TTC21A: variants seen among roughly 807,000 people sequenced by gnomAD.
TTC21A encodes tetratricopeptide repeat protein 21A.
Under a neutral mutation model 156.4 loss-of-function variants are expected in TTC21A, and 128 were observed. The observed-to-expected ratio is 0.82, with a 90% CI of 0.71 to 0.95. TTC21A has a LOEUF of 0.95. Among genes scored for constraint, TTC21A ranks in the 40% least tolerant of loss-of-function variants. The probability of loss-of-function intolerance (pLI) is 0.00; values close to 1 mark genes in which losing one functional copy is unlikely to be tolerated. For missense variants in TTC21A, 1,435 were observed against 1,602.3 expected, an observed-to-expected ratio of 0.90 and a Z score of 1.78; for synonymous variants, 587 against 617.1, an observed-to-expected ratio of 0.95 and a Z score of 0.72.
At chr3:39,132,487 A>G (rs776918582) in intron 19 of TTC21A, among the ~76,000 whole-genome samples, 2 of 152,190 alleles carry the variant, frequency 1.3e-5, no homozygotes, top group African/African-American at 4.8e-5. Flanking sequence ...TGACTGTTTG[A>G]GATGATTTAT....
At position 39,107,684 on chromosome 3, in the gene TTC21A, A is replaced by C; in HGVS notation, c.-154A>C. On this transcript the variant is annotated 5_prime_UTR_variant, in exon 1 of 29. Coordinates refer to ENST00000683103, the MANE Select transcript of TTC21A (RefSeq NM_001366900.1). ...GCGTTTTGTTCCTCCCACTCCAGAC[A>C]CTGGACGCTCCTAGCAACCGGCTAG... The C allele has an allele frequency of 7.7e-7, 1 of 1,304,466 alleles. No homozygotes were observed. Among genetic ancestry groups the C allele is most frequent in the Non-Finnish European group, 1.1e-6 (1 of 927,510 alleles). 80.8% of individuals were successfully genotyped at this position (1,304,466 alleles called of 1,614,324 possible).
chr3:39,134,105 T>A lies in TTC21A; in HGVS notation c.2752-113T>A. On this transcript the variant is annotated intron_variant, in intron 20 of 28. Transcript: ENST00000683103. The surrounding 1 kb of genome is among the most constrained non-coding windows in gnomAD (Gnocchi z 4.6). ...TTCACGTGGGGAATTCGAGACATATTTTGAAGGCAGAGCTGATAGAAGTGG... is the reference window on the plus strand; with the variant it reads ...TTCACGTGGGGAATTCGAGACATATATTGAAGGCAGAGCTGATAGAAGTGG... 1 of 736,866 alleles carries A rather than the reference T, an allele frequency of 1.4e-6. No homozygotes were observed. Among genetic ancestry groups the A allele is most frequent in the Non-Finnish European group, 2.5e-6 (1 of 405,514 alleles). 45.6% of individuals were successfully genotyped at this position (736,866 alleles called of 1,614,324 possible).
chr3:39,121,258 A>C, intron 9 of TTC21A, 69 bp downstream of exon 9: 1 of 1,386,786 alleles, frequency 7.2e-7, no homozygotes, highest in Non-Finnish European at 1.0e-6. Context: ...CCATGGGTCC[A>C]GAAGAGAGGT....
At chr3:39,112,706 G>A in intron 5 of TTC21A, 126 bp downstream of exon 5, 1 of 1,418,954 alleles carries the variant, frequency 7.0e-7, no homozygotes, top group South Asian at 1.5e-5. Context: ...ATAAAGAGCA[G>A]AGGCCCAGAG....
rs772549544 is a variant in TTC21A, at chr3:39,109,162, C to T, written c.105C>T (p.Phe35=). The T allele has an allele frequency of 6.2e-6, 10 of 1,614,180 alleles. No individual in the cohort carries two copies. The East Asian group carries it at 6.7e-5, about 11-fold the overall frequency. The part of the protein sequence containing the change: ...QQAAAVGLEK[F]SNDPVLKFFK... ...CTGCAGCTGTGGGCCTGGAAAAATT[C>T]AGCAATGACCCTGTGTTGAAGTTCT... is the stretch of plus-strand genomic sequence containing the variant. Residue 35 remains phenylalanine, a synonymous_variant, in exon 2 of 29, where the codon TTC becomes TTT. Transcript: ENST00000683103.
chr3:39,119,868 C>T lies in TTC21A; in HGVS notation c.802-54C>T, dbSNP rs2037609559. 7.8e-6 allele frequency: 10 copies of T among 1,286,682 alleles called. No homozygotes were observed. In the East Asian group the frequency reaches 9.3e-5, roughly 12 times the overall value. The allele number at this position is 1,286,682 out of a possible 1,614,324, so 79.7% of individuals were successfully genotyped here. On this transcript the variant is annotated intron_variant, in intron 7 of 28. Coordinates refer to ENST00000683103, the MANE Select transcript of TTC21A (RefSeq NM_001366900.1). ...ATGCAGTCAGGGTTGAGAACCACGGCGCAACTCTGACCTTGCACCTTGCAT... is the reference window on the plus strand; with the variant it reads ...ATGCAGTCAGGGTTGAGAACCACGGTGCAACTCTGACCTTGCACCTTGCAT...
intron 5 of TTC21A, among the ~76,000 whole-genome samples, chr3:39,113,954 G>A (rs778148133): frequency 2.0e-5 from 3 of 152,196 alleles, no homozygotes; most frequent in Non-Finnish European, 4.4e-5. Context: ...AAGGGAAGCC[G>A]TCCTTTCAGA....
Position 39,130,395 on chromosome 3 carries a change from C to T in TTC21A, c.2319+37C>T, listed in dbSNP as rs1244965993. 6.5e-7 allele frequency: 1 copy of T among 1,540,854 alleles called. No homozygotes were observed. The highest frequency in any genetic ancestry group is 1.8e-5 in the Admixed American group (1 of 56,264). On this transcript the variant is annotated intron_variant, in intron 17 of 28. Coordinates refer to ENST00000683103, the MANE Select transcript of TTC21A (RefSeq NM_001366900.1). The surrounding 1 kb of genome is among the most constrained non-coding windows in gnomAD (Gnocchi z 4.5). Reference sequence around the variant, plus strand: ...CTAGGGTGTGAAGGGGCAGGGAGGGCCAGCCCAGCAGGGAAGGAGGAGGAC... The same window carrying T: ...CTAGGGTGTGAAGGGGCAGGGAGGGTCAGCCCAGCAGGGAAGGAGGAGGAC...
Position 39,136,922 on chromosome 3 carries a change from C to T in TTC21A, c.3119C>T (p.Ala1040Val). ...AGGCACATAGGGCAGCCCAACGAAG[C>T]CTTAAAGTTCCTGAACAAGGCACGC... is the stretch of plus-strand genomic sequence containing the variant. ...YCWHIGQPNE[A>V]LKFLNKARKD... Residue 1040 changes from alanine to valine, a missense_variant, in exon 24 of 29, where the codon GCC (alanine) becomes GTC (valine). Transcript: ENST00000683103. The T allele has an allele frequency of 6.2e-7, 1 of 1,614,214 alleles. No homozygotes were observed. Among genetic ancestry groups the T allele is most frequent in the Admixed American group, 1.7e-5 (1 of 60,028 alleles).
At position 39,130,661 on chromosome 3, in the gene TTC21A, A is replaced by G. The variant is rs187569303; in HGVS notation, c.2320-40A>G. ...AACATGGTGTCGGGCACTGAAGGGCAGAACCAGGCCAGAGGCTAATATTTA... is the reference window on the plus strand; with the variant it reads ...AACATGGTGTCGGGCACTGAAGGGCGGAACCAGGCCAGAGGCTAATATTTA... On this transcript the variant is annotated intron_variant, in intron 17 of 28. Coordinates refer to ENST00000683103, the MANE Select transcript of TTC21A (RefSeq NM_001366900.1). The surrounding 1 kb of genome is among the most constrained non-coding windows in gnomAD (Gnocchi z 4.5). 1.4e-3 allele frequency: 2,332 copies of G among 1,609,066 alleles called. 4 individuals are homozygous for G. The highest frequency in any genetic ancestry group is 1.9e-3 in the Admixed American group (113 of 59,772).
intron 22 of TTC21A, 23 bp downstream of exon 22, chr3:39,135,197 C>T (rs2039024162): frequency 1.2e-6 from 2 of 1,601,506 alleles, no homozygotes; most frequent in Non-Finnish European, 1.7e-6. Flanking sequence ...ATGGAGACTG[C>T]CTGTACCAGT....
At position 39,109,141 on chromosome 3, in the gene TTC21A, A is replaced by G. The variant is rs1448069534; in HGVS notation, c.84A>G (p.Ala28=). The G allele has an allele frequency of 1.2e-6, 2 of 1,614,196 alleles. No homozygotes were observed. The highest frequency in any genetic ancestry group is 2.2e-5 in the South Asian group (2 of 91,088). Residue 28 remains alanine (A), a synonymous_variant, in exon 2 of 29, where the codon GCA becomes GCG. Transcript: ENST00000683103. The part of the protein sequence containing the change: ...EKYFHHVQQA[A]AVGLEKFSND... ...ACTTCCACCATGTGCAGCAGGCTGCAGCTGTGGGCCTGGAAAAATTCAGCA... is the reference window on the plus strand; with the variant it reads ...ACTTCCACCATGTGCAGCAGGCTGCGGCTGTGGGCCTGGAAAAATTCAGCA...
intron 19 of TTC21A, chr3:39,132,822 G>A: frequency 1.7e-6 from 1 of 584,310 alleles, no homozygotes; most frequent in East Asian, 2.9e-5. Context: ...AAGTACAAAA[G>A]CGTGTTTTGT....
rs769365819 is a variant in TTC21A, at chr3:39,130,736, T to C, written c.2355T>C (p.Asn785=). 1.8e-5 allele frequency: 29 copies of C among 1,614,204 alleles called. 1 individual carries two copies. The South Asian group carries it at 3.0e-4, about 16-fold the overall frequency. The change falls in exon 18 of 29, where the codon AAT becomes AAC. Residue 785 remains asparagine (N), a synonymous_variant. Coordinates refer to ENST00000683103, the MANE Select transcript of TTC21A (RefSeq NM_001366900.1). This position sits in a 1 kb window ranked among gnomAD's most constrained non-coding sequence, Gnocchi z 4.5. Reference sequence around the variant, plus strand: ...ATTATGAGGCTGCCCAGAAGATTAATGGACAGGACTTTCTGTGCTGCGATC... The same window carrying C: ...ATTATGAGGCTGCCCAGAAGATTAACGGACAGGACTTTCTGTGCTGCGATC... ...IEYYEAAQKI[N]GQDFLCCDLG... is the part of the protein sequence containing the mutation.
chr3:39,113,868 T>C (rs983548046), intron 5 of TTC21A, among the ~76,000 whole-genome samples: 7 of 152,268 alleles, frequency 4.6e-5, no homozygotes, highest in African/African-American at 1.7e-4. Flanking sequence ...AACACATTTA[T>C]GCGTAAGTCT....
chr3:39,108,040 C>A, intron 1 of TTC21A, 176 bp downstream of exon 1: 1 of 673,202 alleles, frequency 1.5e-6, no homozygotes, highest in Non-Finnish European at 2.5e-6. Flanking sequence ...GGCTTCTGCG[C>A]ACCCTGAGCC....
chr3:39,128,824 T>A lies in TTC21A; in HGVS notation c.1788T>A (p.Ala596=). Residue 596 remains alanine, a synonymous_variant, in exon 14 of 29, where the codon GCT becomes GCA. Transcript: ENST00000683103. The stretch of plus-strand genomic sequence containing the variant: ...TGAAAATGGTCATCAAATTGCCAGC[T>A]CTGAAGAAGGAAGAAGGCAGAAAGT... ...KTLKMVIKLP[A]LKKEEGRKFL... 1.2e-6 allele frequency: 2 copies of A among 1,614,140 alleles called. No homozygotes were observed. The highest frequency in any genetic ancestry group is 1.6e-4 in the Middle Eastern group (1 of 6,062).
chr3:39,115,966 C>T (rs910274643), intron 6 of TTC21A, among the ~76,000 whole-genome samples: 27 of 152,252 alleles, frequency 1.8e-4, no homozygotes, highest in South Asian at 4.1e-4. Flanking sequence ...CCCTGCCCAG[C>T]GCCACACATG....
chr3:39,110,165 C>A, intron 3 of TTC21A, 26 bp downstream of exon 3: 1 of 1,560,436 alleles, frequency 6.4e-7, no homozygotes, highest in Non-Finnish European at 8.8e-7. Flanking sequence ...CTCAACCAGG[C>A]CTGACCCACC....
Sources: gnomAD v4.1 joint callset for allele counts (sites outside exome capture counted in the v4.1 genomes callset) on GRCh38, gnomAD v4.1.1 for gene constraint, Gnocchi (gnomAD v3.1) non-coding constraint, MANE v1.5 for transcripts, NCBI Gene and HGNC (gene_info 2026-07-23, HGNC 2026-07-21) for gene names.